Variants in RETREG3 observed in about 807,000 individuals in gnomAD.
RETREG3 encodes the protein reticulophagy regulator 3.
Under a neutral mutation model 50.2 loss-of-function variants are expected in RETREG3, and 23 were observed. That is an observed-to-expected ratio of 0.46 (90% CI 0.33 to 0.65). RETREG3 has a LOEUF of 0.65. Ranked by LOEUF, RETREG3 falls within the 30% of genes least tolerant of loss-of-function variation. RETREG3 has a pLI of 0.02. For missense variants in RETREG3, 546 were observed against 598.0 expected, an observed-to-expected ratio of 0.91 and a Z score of 0.91; for synonymous variants, 240 against 234.4, an observed-to-expected ratio of 1.02 and a Z score of -0.22.
At chr17:42,583,814 T>C (rs1045629067) in intron 6 of RETREG3, among the ~76,000 whole-genome samples, 11 of 152,120 alleles carry the variant, frequency 7.2e-5, no homozygotes, top group Admixed American at 6.6e-4. Context: ...TACATATTTC[T>C]TTTTTCTTTT....
intron 1 of RETREG3, among the ~76,000 whole-genome samples, chr17:42,597,876 C>T (rs1455228534): frequency 6.6e-6 from 1 of 151,024 alleles, no homozygotes; most frequent in Non-Finnish European, 1.5e-5. Flanking sequence ...GTGATCAGCT[C>T]GCCTCAGCCT....
rs965864476 is a variant in RETREG3, at chr17:42,587,976, G to C, written c.347-112C>G. ...TTAATAGGTTGGGGAAAAGAAAACAGTAATAGCCGATAAAAAAGGAGACAC... is the reference window on the plus strand; with the variant it reads ...TTAATAGGTTGGGGAAAAGAAAACACTAATAGCCGATAAAAAAGGAGACAC... On this transcript the variant is annotated intron_variant, in intron 2 of 8. Coordinates refer to ENST00000309428, the MANE Select transcript of RETREG3 (RefSeq NM_178126.4). 6.4e-5 allele frequency: 75 copies of C among 1,175,384 alleles called. No homozygotes were observed. The Middle Eastern group carries it at 7.6e-4, about 12-fold the overall frequency. 72.8% of individuals were successfully genotyped at this position (1,175,384 alleles called of 1,614,324 possible).
chr17:42,591,266 A>G (rs963151863), intron 2 of RETREG3, among the ~76,000 whole-genome samples: 3 of 152,178 alleles, frequency 2.0e-5, no homozygotes, highest in South Asian at 2.1e-4. Flanking sequence ...GTGCTGGTCT[A>G]TAATTGTCAC....
rs768742225 is a variant in RETREG3, at chr17:42,609,163, A to C, written c.162T>G (p.Ser54Arg). Residue 54 changes from serine to arginine, a missense_variant, in exon 1 of 9, where the codon AGT becomes AGG. By Grantham distance (110) the Ser-to-Arg change is moderately radical (BLOSUM62 -1). Transcript: ENST00000309428. ...CCCACACCAGGGCTGCCTGCACCCGACTCAGCAGAGGCTCGTAAGGCCCCA... is the reference window on the plus strand; with the variant it reads ...CCCACACCAGGGCTGCCTGCACCCGCCTCAGCAGAGGCTCGTAAGGCCCCA... ...EVLGPYEPLL[S>R]RVQAALVWER... 6.2e-7 allele frequency: 1 copy of C among 1,610,300 alleles called. No homozygotes were observed. The highest frequency in any genetic ancestry group is 8.5e-7 in the Non-Finnish European group (1 of 1,179,848).
At chr17:42,608,022 G>A (rs1205427459) in intron 1 of RETREG3, among the ~76,000 whole-genome samples, 1 of 152,110 alleles carries the variant, frequency 6.6e-6, no homozygotes, top group Non-Finnish European at 1.5e-5. Context: ...TTCTGCTTCA[G>A]CTCACTGAAA....
Position 42,607,065 on chromosome 17 carries a change from G to C in RETREG3, c.239+2021C>G, listed in dbSNP as rs72826934. 5.5e-3 allele frequency among the ~76,000 whole-genome samples: 837 copies of C among 152,260 alleles called. 4 individuals carry two copies. The highest frequency in any genetic ancestry group is 0.01 in the Middle Eastern group (3 of 294). ...GGCAGTCATACTTTGATACAAATTG[G>C]TTTAATGAGGCCCAGCCTTCTTGCT... On this transcript the variant is annotated intron_variant, in intron 1 of 8. Coordinates refer to ENST00000309428, the MANE Select transcript of RETREG3 (RefSeq NM_178126.4).
chr17:42,601,540 T>TCC (rs1401078896), intron 1 of RETREG3, among the ~76,000 whole-genome samples: 2 of 131,464 alleles, frequency 1.5e-5, no homozygotes, highest in African/African-American at 5.7e-5. Context: ...GCCACTGCAC[T>TCC]CCAGCCTGGG....
chr17:42,599,810 T>G (rs1426375747), intron 1 of RETREG3, among the ~76,000 whole-genome samples: 2 of 151,948 alleles, frequency 1.3e-5, no homozygotes, highest in African/African-American at 4.8e-5. Context: ...CTGGCCAACA[T>G]GGCGAAACCC....
At chr17:42,588,638 G>A (rs113104153) in intron 2 of RETREG3, among the ~76,000 whole-genome samples, 2,410 of 151,384 alleles carry the variant, frequency 0.016, 71 homozygotes, top group African/African-American at 0.056. Flanking sequence ...GTGAGCTACC[G>A]TACCCAGCCG....
At position 42,609,013 on chromosome 17, in the gene RETREG3, G is replaced by A. The variant is rs934991863; in HGVS notation, c.239+73C>T. The A allele has an allele frequency of 3.5e-6, 5 of 1,446,984 alleles. No individual in the cohort carries two copies. The Admixed American group carries it at 9.7e-5, about 28-fold the overall frequency. The allele number at this position is 1,446,984 out of a possible 1,614,324, so 89.6% of individuals were successfully genotyped here. A position where few individuals can be genotyped will look rare whatever the true frequency, so the allele number is the denominator to read the frequency against. On this transcript the variant is annotated intron_variant, in intron 1 of 8. Coordinates refer to ENST00000309428, the MANE Select transcript of RETREG3 (RefSeq NM_178126.4). ...CCAGTGCAGCGAAGAAAACAGGGCA[G>A]GCGAGAAGTAGAGCCCTAGAGGAAC...
chr17:42,581,737 C>G lies in RETREG3; in HGVS notation c.*76G>C. Reference sequence around the variant, plus strand: ...TTCAGGGGAGGGGAGCTGAGTTCTTCCCTTGCCCCATCACCTTAAGTGGGA... The same window carrying G: ...TTCAGGGGAGGGGAGCTGAGTTCTTGCCTTGCCCCATCACCTTAAGTGGGA... On this transcript the variant is annotated 3_prime_UTR_variant, in exon 9 of 9. Coordinates refer to ENST00000309428, the MANE Select transcript of RETREG3 (RefSeq NM_178126.4). 1 of 1,350,540 alleles carries G rather than the reference C, an allele frequency of 7.4e-7. No individual in the cohort carries two copies. The highest frequency in any genetic ancestry group is 1.0e-6 in the Non-Finnish European group (1 of 1,000,330). 83.7% of individuals were successfully genotyped at this position (1,350,540 alleles called of 1,614,324 possible). A position where few individuals can be genotyped will look rare whatever the true frequency, so the allele number is the denominator to read the frequency against.
Position 42,605,847 on chromosome 17 carries a change from C to T in RETREG3, c.239+3239G>A, listed in dbSNP as rs549636926. Among the ~76,000 whole-genome samples, 5 of 152,074 alleles carry T rather than the reference C, an allele frequency of 3.3e-5. No individual in the cohort carries two copies. In the East Asian group the frequency reaches 7.7e-4, roughly 23 times the overall value. On this transcript the variant is annotated intron_variant, in intron 1 of 8. Transcript: ENST00000309428. ...GCCCTACAAAAATACAAAAATTAGC[C>T]AGACGTGATGGTGGGTGCCTGTAAT...
intron 6 of RETREG3, 151 bp downstream of exon 6, chr17:42,584,974 G>A: frequency 1.1e-6 from 1 of 946,938 alleles, no homozygotes; most frequent in Non-Finnish European, 1.6e-6. Flanking sequence ...GGTTTCCCTA[G>A]AACAGAATAT....
chr17:42,583,057 T>C (rs2093113434), intron 7 of RETREG3, among the ~76,000 whole-genome samples: 2 of 152,104 alleles, frequency 1.3e-5, no homozygotes, highest in African/African-American at 2.4e-5. Flanking sequence ...AAAACACTCA[T>C]TCATAACCTC....
intron 1 of RETREG3, chr17:42,599,096 A>G (rs2093153654): frequency 6.6e-6 from 1 of 152,102 alleles, no homozygotes; most frequent in Non-Finnish European, 1.5e-5. Context: ...CTCCCTAGAG[A>G]GCCCTTTCAA....
At chr17:42,603,357 C>T (rs2093161861) in intron 1 of RETREG3, among the ~76,000 whole-genome samples, 1 of 152,180 alleles carries the variant, frequency 6.6e-6, no homozygotes, top group Non-Finnish European at 1.5e-5. Flanking sequence ...GCATCCCATT[C>T]TACAGGGACA....
At chr17:42,591,801 A>G (rs1053179689) in intron 2 of RETREG3, among the ~76,000 whole-genome samples, 2 of 152,224 alleles carry the variant, frequency 1.3e-5, no homozygotes, top group African/African-American at 4.8e-5. Context: ...TCCTCAGGCC[A>G]TTATGTTGGC....
intron 1 of RETREG3, among the ~76,000 whole-genome samples, chr17:42,594,777 C>T (rs559128265): frequency 6.7e-6 from 1 of 148,194 alleles, no homozygotes; most frequent in African/African-American, 2.5e-5. Context: ...CGTGAACCTG[C>T]GAGGCGGAGC....
At chr17:42,587,364 G>A (rs1170084950) in intron 3 of RETREG3, among the ~76,000 whole-genome samples, 2 of 152,212 alleles carry the variant, frequency 1.3e-5, no homozygotes, top group Non-Finnish European at 2.9e-5. Context: ...TCAAACAAAT[G>A]GAGTGGATGA....
Sources: gnomAD v4.1 joint callset for allele counts (sites outside exome capture counted in the v4.1 genomes callset) on GRCh38, gnomAD v4.1.1 for gene constraint, MANE v1.5 for transcripts, NCBI Gene and HGNC (gene_info 2026-07-23, HGNC 2026-07-21) for gene names.